The following PTPN12 variants were observed in gnomAD, a reference collection of about 807,000 sequenced individuals.
PTPN12 encodes tyrosine-protein phosphatase non-receptor type 12.
A neutral mutation model predicts 97.6 loss-of-function variants in PTPN12; 29 were observed. That is an observed-to-expected ratio of 0.30 (90% CI 0.22 to 0.41). The LOEUF (loss-of-function observed/expected upper bound fraction) is 0.41. Among genes scored for constraint, PTPN12 ranks in the 10% least tolerant of loss-of-function variants. The pLI, the probability that PTPN12 is intolerant of heterozygous loss-of-function variation, is 1.00. For synonymous variants in PTPN12, 327 were observed against 300.4 expected, an observed-to-expected ratio of 1.09 and a Z score of -0.91; for missense variants, 819 against 926.0, an observed-to-expected ratio of 0.88 and a Z score of 1.50.
intron 12 of PTPN12, among the ~76,000 whole-genome samples, chr7:77,623,899 G>A (rs1244727403): frequency 1.3e-5 from 2 of 152,080 alleles, no homozygotes; most frequent in Non-Finnish European, 2.9e-5. Flanking sequence ...TTTATAAATT[G>A]TAGGAGGTGT....
intron 1 of PTPN12, chr7:77,538,131 T>G (rs759829901): frequency 1.0e-6 from 1 of 986,530 alleles, no homozygotes; most frequent in Non-Finnish European, 1.2e-6. Flanking sequence ...CTGGGATCCC[T>G]TTGCTCTAGC....
In PTPN12 at chr7:77,537,511, G is replaced by T. The variant is rs750041285; in HGVS notation, c.-36G>T. 7 of 1,559,022 alleles carry T rather than the reference G, an allele frequency of 4.5e-6. No homozygotes were observed. In the African/African-American group the frequency reaches 5.6e-5, roughly 12 times the overall value. On this transcript the variant is annotated 5_prime_UTR_variant, in exon 1 of 18. Transcript: ENST00000248594. ...TCTGTGCCGGGCGGGCGGGCGGCGG[G>T]GGGGCCAGCGACCGCAGCCGGGGGG...
At chr7:77,563,168 A>T (rs536007676) in intron 1 of PTPN12, among the ~76,000 whole-genome samples, 2 of 152,328 alleles carry the variant, frequency 1.3e-5, no homozygotes, top group East Asian at 3.9e-4. Flanking sequence ...GATGAAACCT[A>T]GGAATTGAAC....
chr7:77,578,832 A>G lies in PTPN12; in HGVS notation c.209-2595A>G, dbSNP rs181626289. Among the ~76,000 whole-genome samples, 250 of 152,270 alleles carry G rather than the reference A, an allele frequency of 1.6e-3. 1 individual carries two copies. The highest frequency in any genetic ancestry group is 3.0e-3 in the Non-Finnish European group (201 of 68,008). ...GAATACTAGGCAATTCTACTTTAGG[A>G]TTTCATAATCTGAAAGCGTCTAACC... On this transcript the variant is annotated intron_variant, in intron 2 of 17. Coordinates refer to ENST00000248594, the MANE Select transcript of PTPN12 (RefSeq NM_002835.4).
chr7:77,577,131 C>T (rs766303806), intron 2 of PTPN12, among the ~76,000 whole-genome samples: 18 of 152,190 alleles, frequency 1.2e-4, no homozygotes, highest in Admixed American at 8.5e-4. Flanking sequence ...TGAGAACAGG[C>T]GGCTACATTT....
At chr7:77,579,368 G>A (rs991249704) in intron 2 of PTPN12, among the ~76,000 whole-genome samples, 8 of 152,118 alleles carry the variant, frequency 5.3e-5, no homozygotes, top group East Asian at 1.9e-4. Context: ...CATGTGATCC[G>A]CCCACCTTGG....
At chr7:77,558,840 C>T (rs953623663) in intron 1 of PTPN12, among the ~76,000 whole-genome samples, 2 of 152,136 alleles carry the variant, frequency 1.3e-5, no homozygotes, top group Non-Finnish European at 2.9e-5. Flanking sequence ...AAGACCTCAT[C>T]TCTACAAAAC....
At chr7:77,601,021 A>G (rs1034478672) in intron 8 of PTPN12, 3 of 484,452 alleles carry the variant, frequency 6.2e-6, no homozygotes, top group African/African-American at 3.9e-5. Context: ...ATTTGAAAAT[A>G]GTATTCACAT....
chr7:77,624,417 T>G (rs1562757832), intron 12 of PTPN12, among the ~76,000 whole-genome samples: 1 of 152,110 alleles, frequency 6.6e-6, no homozygotes, highest in Non-Finnish European at 1.5e-5. Context: ...CTAGAGAATC[T>G]GAACTTCACA....
At chr7:77,611,594 G>A (rs1179650300) in intron 11 of PTPN12, among the ~76,000 whole-genome samples, 1 of 152,140 alleles carries the variant, frequency 6.6e-6, no homozygotes, top group African/African-American at 2.4e-5. Context: ...ACAGGCGCAC[G>A]CCACTGTGCC....
At chr7:77,623,013 A>G (rs1445364050) in intron 12 of PTPN12, among the ~76,000 whole-genome samples, 8 of 96,408 alleles carry the variant, frequency 8.3e-5, no homozygotes, top group Admixed American at 7.5e-4. Flanking sequence ...AGAAATTAGC[A>G]AAAAAAAAAA....
chr7:77,559,093 C>T (rs1248574388), intron 1 of PTPN12, among the ~76,000 whole-genome samples: 2 of 152,188 alleles, frequency 1.3e-5, no homozygotes, highest in Non-Finnish European at 2.9e-5. Context: ...TTGGTATATT[C>T]TTAGGCAGAG....
intron 2 of PTPN12, among the ~76,000 whole-genome samples, chr7:77,573,097 C>CAAAAAAAAAAA: frequency 2.1e-5 from 1 of 48,504 alleles, no homozygotes; most frequent in South Asian, 6.4e-4. Context: ...AAAAAAAAAA[C>CAAAAAAAAAAA]AAAAAAACAA....
intron 12 of PTPN12, among the ~76,000 whole-genome samples, chr7:77,620,620 G>A (rs547650363): frequency 6.6e-6 from 1 of 152,304 alleles, no homozygotes; most frequent in East Asian, 1.9e-4. Flanking sequence ...TTGTTTTTCA[G>A]TATGGCTACA....
chr7:77,605,409 G>GGTTTTTTTTTTTTTTTTTTT lies in PTPN12; in HGVS notation c.696-1826_696-1825insGTTTTTTTTTTTTTTTTTTT, dbSNP rs1554321255. 2.3e-4 allele frequency among the ~76,000 whole-genome samples: 22 copies of GGTTTTTTTTTTTTTTTTTTT among 95,540 alleles called. 7 individuals are homozygous for GGTTTTTTTTTTTTTTTTTTT. The highest frequency in any genetic ancestry group is 7.0e-4 in the South Asian group (2 of 2,876). The allele number at this position is 95,540 out of a possible 152,430, so 62.7% of individuals were successfully genotyped here. A position where few individuals can be genotyped will look rare whatever the true frequency, so the allele number is the denominator to read the frequency against. ...TTACTTTAAAATACTTTTGTCATGA[G>GGTTTTTTTTTTTTTTTTTTT]TTTTTTTTTTTTTTTTTTTTTTTTT... On this transcript the variant is annotated intron_variant, in intron 8 of 17. Transcript: ENST00000248594.
intron 3 of PTPN12, among the ~76,000 whole-genome samples, chr7:77,583,344 C>T (rs969132199): frequency 6.6e-6 from 1 of 152,084 alleles, no homozygotes; most frequent in African/African-American, 2.4e-5. Flanking sequence ...GCACCATATC[C>T]AGTAAACACA....
Position 77,626,993 on chromosome 7 carries a change from T to A in PTPN12, c.1314T>A (p.Ile438=), listed in dbSNP as rs1403736274. The change falls in exon 13 of 18, where the codon ATT becomes ATA. Residue 438 remains isoleucine (I), a synonymous_variant. Coordinates refer to ENST00000248594, the MANE Select transcript of PTPN12 (RefSeq NM_002835.4). ...KKLERNLSFE[I]KKVPLQEGPK... ...TGGAACGAAATTTAAGTTTTGAGAT[T>A]AAGAAGGTCCCTCTCCAAGAGGGAC... 1 of 1,609,554 alleles carries A rather than the reference T, an allele frequency of 6.2e-7. No individual in the cohort carries two copies. The highest frequency in any genetic ancestry group is 8.5e-7 in the Non-Finnish European group (1 of 1,178,594).
At chr7:77,603,883 C>CTTTTTTTTTTTTTTT (rs773037726) in intron 8 of PTPN12, among the ~76,000 whole-genome samples, 13 of 87,870 alleles carry the variant, frequency 1.5e-4, no homozygotes, top group African/African-American at 3.0e-4. Flanking sequence ...TTTTTGTTTG[C>CTTTTTTTTTTTTTTT]TTTTTTTTTT....
intron 7 of PTPN12, 36 bp from the exon 8 acceptor site, chr7:77,600,628 A>AT: frequency 6.5e-7 from 1 of 1,538,324 alleles, no homozygotes. Context: ...TTTGCAAAGT[A>AT]TTTTCATAAT....
Sources: allele counts gnomAD v4.1 joint callset (sites outside exome capture counted in the v4.1 genomes callset), GRCh38; gene constraint gnomAD v4.1.1; transcripts MANE v1.5; gene names NCBI Gene and HGNC (gene_info 2026-07-23, HGNC 2026-07-21).